Variants in CCSER1 observed in about 807,000 individuals in gnomAD.
CCSER1 encodes serine-rich coiled-coil domain-containing protein 1.
Under a neutral mutation model 82.0 loss-of-function variants are expected in CCSER1, and 41 were observed. The ratio of observed to expected loss-of-function variants is 0.50; its 90% CI spans 0.39 to 0.65. The LOEUF (loss-of-function observed/expected upper bound fraction) is 0.65. Ranked by LOEUF, CCSER1 falls within the 30% of genes least tolerant of loss-of-function variation. The probability of loss-of-function intolerance (pLI) is 0.00; values close to 1 mark genes in which losing one functional copy is unlikely to be tolerated. For synonymous variants in CCSER1, 414 were observed against 383.9 expected (o/e 1.08, Z -0.92); for missense variants, 1,119 against 1,064.2 (o/e 1.05, Z -0.72).
chr4:91,100,967 A>T (rs1347117576), intron 10 of CCSER1, among the ~76,000 whole-genome samples: 1 of 152,214 alleles, frequency 6.6e-6, no homozygotes, highest in East Asian at 1.9e-4. Context: ...TTGACTGGTT[A>T]TCTGGATCAG....
At chr4:90,352,706 A>T in intron 3 of CCSER1, among the ~76,000 whole-genome samples, 1 of 151,516 alleles carries the variant, frequency 6.6e-6, no homozygotes, top group East Asian at 1.9e-4. Context: ...ACACACACAC[A>T]CGCAGATAGT....
chr4:90,533,168 T>G (rs1471352995), intron 5 of CCSER1, among the ~76,000 whole-genome samples: 1 of 141,264 alleles, frequency 7.1e-6, no homozygotes, highest in Non-Finnish European at 1.5e-5. Context: ...CTCGGCTCAC[T>G]GCAAGCTCCG....
intron 6 of CCSER1, among the ~76,000 whole-genome samples, chr4:90,673,320 AT>A (rs917984875): frequency 6.6e-6 from 1 of 151,986 alleles, no homozygotes; most frequent in African/African-American, 2.4e-5. Flanking sequence ...CTTGAAAATT[AT>A]GTTTAAACTT....
rs150678599 is a variant in CCSER1 at position 91,564,665 on chromosome 4, G to A, written c.2218-33907G>A. On this transcript the variant is annotated intron_variant, in intron 10 of 10. Transcript: ENST00000509176. ...CAGTGCTACTGAGCTTTTTTTTAAT[G>A]TTGTTGGCCACATGTGTGCCTTCTT... is the stretch of plus-strand genomic sequence containing the variant. 2.2e-3 allele frequency among the ~76,000 whole-genome samples: 328 copies of A among 151,378 alleles called. 2 individuals carry two copies. Among genetic ancestry groups the A allele is most frequent in the African/African-American group, 7.6e-3 (314 of 41,052 alleles).
intron 8 of CCSER1, chr4:90,838,941 C>T: frequency 6.2e-7 from 1 of 1,613,448 alleles, no homozygotes; most frequent in South Asian, 1.1e-5. Flanking sequence ...TCAATCGTTT[C>T]TTTGGAAGGC....
chr4:90,651,637 C>T (rs548898635), intron 6 of CCSER1, among the ~76,000 whole-genome samples: 11 of 151,136 alleles, frequency 7.3e-5, no homozygotes, highest in South Asian at 4.2e-4. Context: ...TGTATACCTA[C>T]GTAACAAAAC....
chr4:90,449,182 A>G (rs1175969532), intron 4 of CCSER1, among the ~76,000 whole-genome samples: 1 of 152,156 alleles, frequency 6.6e-6, no homozygotes, highest in East Asian at 1.9e-4. Context: ...GGTCATCCCA[A>G]CGTCTGCCTA....
At chr4:91,448,033 G>A (rs1457678368) in intron 10 of CCSER1, among the ~76,000 whole-genome samples, 1 of 152,058 alleles carries the variant, frequency 6.6e-6, no homozygotes, top group Admixed American at 6.6e-5. Context: ...ATTTAGCAAA[G>A]TTTTACATAG....
chr4:91,504,227 G>T, intron 10 of CCSER1, among the ~76,000 whole-genome samples: 1 of 152,114 alleles, frequency 6.6e-6, no homozygotes, highest in Non-Finnish European at 1.5e-5. Flanking sequence ...TGGGAAAAGG[G>T]TATACATTTG....
At chr4:90,220,320 A>G (rs974718765) in intron 1 of CCSER1, among the ~76,000 whole-genome samples, 8 of 152,092 alleles carry the variant, frequency 5.3e-5, no homozygotes, top group Non-Finnish European at 1.2e-4. Context: ...AATTCAAAAC[A>G]TTTAATTTCA....
chr4:90,590,103 G>T (rs1353572252), intron 5 of CCSER1, among the ~76,000 whole-genome samples: 1 of 151,830 alleles, frequency 6.6e-6, no homozygotes, highest in Non-Finnish European at 1.5e-5. Context: ...GAGAAACCCT[G>T]TCTCTACCAA....
chr4:90,212,509 G>A (rs1249078272), intron 1 of CCSER1, among the ~76,000 whole-genome samples: 6 of 152,210 alleles, frequency 3.9e-5, no homozygotes, highest in Non-Finnish European at 8.8e-5. Context: ...ACATTTGAAG[G>A]ATTGACTTTC....
chr4:91,589,450 A>C (rs1439184394), intron 10 of CCSER1, among the ~76,000 whole-genome samples: 1 of 152,016 alleles, frequency 6.6e-6, no homozygotes, highest in Non-Finnish European at 1.5e-5. Context: ...TGAATTATTC[A>C]CACGAGACAT....
intron 10 of CCSER1, among the ~76,000 whole-genome samples, chr4:91,415,927 C>T (rs1753334255): frequency 6.6e-6 from 1 of 151,736 alleles, no homozygotes; most frequent in Admixed American, 6.6e-5. Context: ...CTAACTGCAT[C>T]ATCAGGAGTC....
At chr4:90,770,273 C>T (rs893991003) in intron 7 of CCSER1, among the ~76,000 whole-genome samples, 1 of 152,122 alleles carries the variant, frequency 6.6e-6, no homozygotes, top group Non-Finnish European at 1.5e-5. Context: ...CTCACAGAAA[C>T]TGTGTGAGAT....
At chr4:90,442,348 T>A (rs1760007962) in intron 4 of CCSER1, among the ~76,000 whole-genome samples, 1 of 152,140 alleles carries the variant, frequency 6.6e-6, no homozygotes, top group Admixed American at 6.5e-5. Context: ...AATCAATGAC[T>A]TTTACTGGTG....
In CCSER1 at chr4:91,109,505, C is replaced by G. The variant is rs1725915489; in HGVS notation, c.2217+23511C>G. 2.0e-5 allele frequency among the ~76,000 whole-genome samples: 3 copies of G among 151,480 alleles called. No homozygotes were observed. The South Asian group carries it at 6.2e-4, about 32-fold the overall frequency. On this transcript the variant is annotated intron_variant, in intron 10 of 10. Coordinates refer to ENST00000509176, the MANE Select transcript of CCSER1 (RefSeq NM_001145065.2). Reference sequence around the variant, plus strand: ...GTCCTAAGTTAAAAAAAAAAAGTGTCAAAAGTGTAGAGAGATCAAAAGCAT... The same window carrying G: ...GTCCTAAGTTAAAAAAAAAAAGTGTGAAAAGTGTAGAGAGATCAAAAGCAT...
intron 1 of CCSER1, among the ~76,000 whole-genome samples, chr4:90,282,495 A>G (rs1476683651): frequency 1.3e-5 from 2 of 151,432 alleles, no homozygotes; most frequent in Non-Finnish European, 3.0e-5. Flanking sequence ...TCTATAATGC[A>G]ATCTAGAACA....
chr4:90,547,781 T>A lies in CCSER1; in HGVS notation c.1724+79427T>A, dbSNP rs569313426. ...TAAGGATGACTTGCTAGACATAAGA[T>A]AATTTGGCTCTAATTTTTTTGTACC... On this transcript the variant is annotated intron_variant, in intron 5 of 10. Transcript: ENST00000509176. 3.3e-5 allele frequency among the ~76,000 whole-genome samples: 5 copies of A among 152,268 alleles called. No individual in the cohort carries two copies. In the South Asian group the frequency reaches 1.0e-3, roughly 32 times the overall value.
Sources: gnomAD v4.1 joint callset for allele counts (sites outside exome capture counted in the v4.1 genomes callset) on GRCh38, gnomAD v4.1.1 for gene constraint, MANE v1.5 for transcripts, NCBI Gene and HGNC (gene_info 2026-07-23, HGNC 2026-07-21) for gene names.